Variants in GRID1 observed in about 807,000 individuals in gnomAD.
The protein encoded by GRID1 is glutamate ionotropic receptor delta type subunit 1.
A neutral mutation model predicts 98.0 loss-of-function variants in GRID1; 28 were observed. The ratio of observed to expected loss-of-function variants is 0.29; its 90% CI spans 0.21 to 0.39. The LOEUF (loss-of-function observed/expected upper bound fraction) is 0.39. Among genes scored for constraint, GRID1 ranks in the 10% least tolerant of loss-of-function variants. The pLI is 1.00. For synonymous variants in GRID1, 553 were observed against 538.5 expected, an observed-to-expected ratio of 1.03 and a Z score of -0.37; for missense variants, 1,111 against 1,340.5, an observed-to-expected ratio of 0.83 and a Z score of 2.67.
At chr10:86,355,111 C>A (rs1347490307) in intron 2 of GRID1, among the ~76,000 whole-genome samples, 1 of 152,232 alleles carries the variant, frequency 6.6e-6, no homozygotes, top group Non-Finnish European at 1.5e-5. Flanking sequence ...CTGTGCTCAC[C>A]CTGGGCTGGG....
At chr10:85,833,167 G>A (rs1842883932) in intron 8 of GRID1, among the ~76,000 whole-genome samples, 2 of 152,200 alleles carry the variant, frequency 1.3e-5, no homozygotes, top group Admixed American at 1.3e-4. Flanking sequence ...AGTGTCAGCA[G>A]GTGGCATTGG....
chr10:85,892,529 C>T (rs546947813), intron 5 of GRID1, among the ~76,000 whole-genome samples: 1 of 150,962 alleles, frequency 6.6e-6, no homozygotes, highest in Non-Finnish European at 1.5e-5. Flanking sequence ...GTCCGTGATA[C>T]ATCTTTTAAG....
chr10:85,917,219 T>C (rs1841633258), intron 4 of GRID1, among the ~76,000 whole-genome samples: 1 of 152,176 alleles, frequency 6.6e-6, no homozygotes, highest in Admixed American at 6.5e-5. Context: ...TGAGCCAGGC[T>C]GACTATGAAC....
chr10:86,027,903 A>G (rs1000849484), intron 4 of GRID1, among the ~76,000 whole-genome samples: 3 of 152,240 alleles, frequency 2.0e-5, no homozygotes, highest in Non-Finnish European at 2.9e-5. Flanking sequence ...TTGGCTGTAT[A>G]TAGACAAGAG....
At chr10:86,007,398 G>GCACCCCCCCA (rs1338749415) in intron 4 of GRID1, among the ~76,000 whole-genome samples, 1 of 152,066 alleles carries the variant, frequency 6.6e-6, no homozygotes, top group Non-Finnish European at 1.5e-5. Flanking sequence ...GCACCGCTCC[G>GCACCCCCCCA]CACCCCCCCA....
chr10:85,973,937 C>G (rs573111270), intron 4 of GRID1, among the ~76,000 whole-genome samples: 2 of 152,320 alleles, frequency 1.3e-5, no homozygotes, highest in African/African-American at 4.8e-5. Flanking sequence ...CAAACAACCA[C>G]AAAATCTCAT....
intron 2 of GRID1, among the ~76,000 whole-genome samples, chr10:86,277,168 T>A (rs1589434967): frequency 1.3e-5 from 2 of 152,352 alleles, no homozygotes; most frequent in East Asian, 3.9e-4. Flanking sequence ...AATATGAATG[T>A]ACTTAAGGCC....
At chr10:85,839,828 G>A (rs560594345) in intron 8 of GRID1, among the ~76,000 whole-genome samples, 1 of 151,780 alleles carries the variant, frequency 6.6e-6, no homozygotes, top group African/African-American at 2.4e-5. Context: ...AGCTGGTTTT[G>A]TGAAAAAAAT....
chr10:86,007,712 A>T (rs1222890503), intron 4 of GRID1, among the ~76,000 whole-genome samples: 1 of 152,170 alleles, frequency 6.6e-6, no homozygotes, highest in Non-Finnish European at 1.5e-5. Flanking sequence ...CTGGGCTCCA[A>T]CACCCCTCTG....
chr10:85,773,927 T>C (rs899774884), intron 8 of GRID1, among the ~76,000 whole-genome samples: 11 of 152,158 alleles, frequency 7.2e-5, no homozygotes, highest in African/African-American at 1.2e-4. Flanking sequence ...TCAATGCCAT[T>C]CCCATCAAGC....
chr10:86,236,366 A>C (rs1402535311), intron 2 of GRID1, among the ~76,000 whole-genome samples: 2 of 152,212 alleles, frequency 1.3e-5, no homozygotes, highest in Non-Finnish European at 2.9e-5. Context: ...TGCAAGTTGA[A>C]GTATGCCATA....
At chr10:86,211,287 C>T (rs553761157) in intron 2 of GRID1, among the ~76,000 whole-genome samples, 1 of 152,308 alleles carries the variant, frequency 6.6e-6, no homozygotes, top group African/African-American at 2.4e-5. Context: ...ATTATATGGT[C>T]ACAAAGCTGA....
chr10:85,793,125 C>T (rs1164036249), intron 8 of GRID1, among the ~76,000 whole-genome samples: 1 of 152,144 alleles, frequency 6.6e-6, no homozygotes. Flanking sequence ...GAAGCCTTTC[C>T]ACGTCCAATT....
At chr10:86,037,765 T>G (rs1321545177) in intron 4 of GRID1, among the ~76,000 whole-genome samples, 1 of 152,100 alleles carries the variant, frequency 6.6e-6, no homozygotes, top group Non-Finnish European at 1.5e-5. Flanking sequence ...CAATGGTGTG[T>G]TGGTAAATGT....
chr10:86,179,751 C>T (rs1443640950), intron 3 of GRID1, among the ~76,000 whole-genome samples: 1 of 152,170 alleles, frequency 6.6e-6, no homozygotes, highest in African/African-American at 2.4e-5. Context: ...TACACATAAA[C>T]GTCGGCTAGG....
At chr10:86,165,443 C>T (rs1845384956) in intron 3 of GRID1, among the ~76,000 whole-genome samples, 1 of 152,186 alleles carries the variant, frequency 6.6e-6, no homozygotes, top group African/African-American at 2.4e-5. Context: ...CCCTGCAGGG[C>T]AGAACTGCAG....
chr10:85,967,765 G>T (rs1477592288), intron 4 of GRID1, among the ~76,000 whole-genome samples: 1 of 152,176 alleles, frequency 6.6e-6, no homozygotes, highest in Non-Finnish European at 1.5e-5. Flanking sequence ...AGAGATTCTT[G>T]AAAGTAGCAA....
chr10:86,034,697 A>G (rs1843231884), intron 4 of GRID1, among the ~76,000 whole-genome samples: 1 of 151,892 alleles, frequency 6.6e-6, no homozygotes, highest in South Asian at 2.1e-4. Flanking sequence ...TGTGATTACA[A>G]TTACAATGAT....
chr10:86,251,580 C>T (rs184366420), intron 2 of GRID1, among the ~76,000 whole-genome samples: 26 of 152,142 alleles, frequency 1.7e-4, no homozygotes, highest in Admixed American at 5.2e-4. Context: ...AACATCAGGC[C>T]CCTGACAGGA....
Sources: allele counts gnomAD v4.1 joint callset (sites outside exome capture counted in the v4.1 genomes callset), GRCh38; gene constraint gnomAD v4.1.1; transcripts MANE v1.5; gene names NCBI Gene and HGNC (gene_info 2026-07-23, HGNC 2026-07-21).